The following GABRG3 variants were observed in gnomAD, a reference collection of about 807,000 sequenced individuals.
The protein encoded by GABRG3 is gamma-aminobutyric acid receptor subunit gamma-3.
Under a neutral mutation model 48.8 loss-of-function variants are expected in GABRG3, and 25 were observed. The observed-to-expected ratio is 0.51, with a 90% CI of 0.37 to 0.72. The LOEUF is 0.72. GABRG3 is among the 30% of genes least tolerant of loss of function. The probability of loss-of-function intolerance (pLI) is 0.00; values close to 1 mark genes in which losing one functional copy is unlikely to be tolerated. For synonymous variants in GABRG3, 227 were observed against 217.6 expected (o/e 1.04, Z -0.38); for missense variants, 394 against 577.9 (o/e 0.68, Z 3.26).
In GABRG3 at chr15:27,180,355, A is replaced by G. The variant is rs1451533733; in HGVS notation, c.271-146454A>G. ...AAAATGAGATTGAACAAGAAGAGCA[A>G]CTGTAGAATTCTTCAGGTTATGACT... is the stretch of plus-strand genomic sequence containing the variant. On this transcript the variant is annotated intron_variant, in intron 3 of 9. Coordinates refer to ENST00000615808, the MANE Select transcript of GABRG3 (RefSeq NM_033223.5). This position sits in a 1 kb window ranked among gnomAD's most constrained non-coding sequence, Gnocchi z 4.2. 6.6e-6 allele frequency among the ~76,000 whole-genome samples: 1 copy of G among 152,182 alleles called. No homozygotes were observed. Among genetic ancestry groups the G allele is most frequent in the South Asian group, 2.1e-4 (1 of 4,832 alleles).
At chr15:27,424,305 T>C (rs2140615648) in intron 5 of GABRG3, among the ~76,000 whole-genome samples, 1 of 152,150 alleles carries the variant, frequency 6.6e-6, no homozygotes, top group East Asian at 1.9e-4. Flanking sequence ...GGGTAATTTA[T>C]AAATAACAGA....
At chr15:27,313,346 A>G (rs1290275264) in intron 3 of GABRG3, among the ~76,000 whole-genome samples, 1 of 138,526 alleles carries the variant, frequency 7.2e-6, no homozygotes, top group Non-Finnish European at 1.6e-5. Context: ...TGAAGCAAAC[A>G]TTGATGGAAC....
At chr15:27,157,654 C>T (rs1898468011) in intron 3 of GABRG3, 1 of 152,178 alleles carries the variant, frequency 6.6e-6, no homozygotes, top group South Asian at 2.1e-4. Flanking sequence ...TCAGTCTAAC[C>T]TCCTTACCTA....
rs142127659 is a variant in GABRG3 at position 27,396,337 on chromosome 15, G to T, written c.574+67449G>T. On this transcript the variant is annotated intron_variant, in intron 5 of 9. Transcript: ENST00000615808. The stretch of plus-strand genomic sequence containing the variant: ...AAAACAAGCAACCCAATAAAAAAAT[G>T]GTAAAAGAGTTAAACAGATACTTTC... 2.6e-5 allele frequency among the ~76,000 whole-genome samples: 4 copies of T among 152,208 alleles called. 1 individual carries two copies. Among genetic ancestry groups the T allele is most frequent in the African/African-American group, 9.6e-5 (4 of 41,514 alleles).
At chr15:27,378,875 A>T (rs529187026) in intron 5 of GABRG3, among the ~76,000 whole-genome samples, 42 of 152,198 alleles carry the variant, frequency 2.8e-4, no homozygotes, top group Non-Finnish European at 5.9e-4. Context: ...ATGGGATTAA[A>T]AGAAAGGGAA....
chr15:27,311,370 G>T (rs1208618271), intron 3 of GABRG3, among the ~76,000 whole-genome samples: 1 of 152,144 alleles, frequency 6.6e-6, no homozygotes, highest in African/African-American at 2.4e-5. Context: ...GAGGGAAAAA[G>T]ATGGACTATG....
chr15:27,304,837 T>G (rs771483243), intron 3 of GABRG3, among the ~76,000 whole-genome samples: 5 of 152,006 alleles, frequency 3.3e-5, no homozygotes, highest in Non-Finnish European at 7.4e-5. Flanking sequence ...GGGACTATTA[T>G]TCTGTCTACC....
intron 3 of GABRG3, among the ~76,000 whole-genome samples, chr15:27,061,311 C>T (rs974679604): frequency 1.3e-5 from 2 of 152,142 alleles, no homozygotes; most frequent in South Asian, 2.1e-4. Context: ...CAGTGGCTAA[C>T]GGTGTGAGAA....
At position 27,185,540 on chromosome 15, in the gene GABRG3, T is replaced by C. The variant is rs553723010; in HGVS notation, c.271-141269T>C. Among the ~76,000 whole-genome samples the C allele has an allele frequency of 2.0e-5, 3 of 152,186 alleles. No individual in the cohort carries two copies. The South Asian group carries it at 6.2e-4, about 32-fold the overall frequency. ...TATTGGGTAGAGTTTTCGGTATATGTCAATTAGGTTCCATTGGTGGATTGA... is the reference window on the plus strand; with the variant it reads ...TATTGGGTAGAGTTTTCGGTATATGCCAATTAGGTTCCATTGGTGGATTGA... On this transcript the variant is annotated intron_variant, in intron 3 of 9. Coordinates refer to ENST00000615808, the MANE Select transcript of GABRG3 (RefSeq NM_033223.5).
intron 3 of GABRG3, among the ~76,000 whole-genome samples, chr15:27,152,086 C>T (rs1436901480): frequency 6.6e-6 from 1 of 152,080 alleles, no homozygotes; most frequent in African/African-American, 2.4e-5. Flanking sequence ...GTCTAAATTG[C>T]AAATATTTTC....
intron 2 of GABRG3, among the ~76,000 whole-genome samples, chr15:26,994,430 T>C (rs1259536103): frequency 6.6e-6 from 1 of 151,942 alleles, no homozygotes; most frequent in Non-Finnish European, 1.5e-5. Flanking sequence ...AAACTGATGA[T>C]AACTCACCAC....
intron 3 of GABRG3, among the ~76,000 whole-genome samples, chr15:27,313,545 G>C (rs1595670294): frequency 6.6e-6 from 1 of 151,354 alleles, no homozygotes; most frequent in South Asian, 2.1e-4. Context: ...TTCTTCTCAA[G>C]TGCACTTAAA....
intron 5 of GABRG3, chr15:27,350,493 G>A (rs1209714826): frequency 3.8e-6 from 1 of 263,082 alleles, no homozygotes; most frequent in Non-Finnish European, 7.6e-6. Flanking sequence ...TGTCCTCAGG[G>A]AGTTCGCAGT....
At chr15:27,072,832 A>T (rs1896850487) in intron 3 of GABRG3, among the ~76,000 whole-genome samples, 1 of 152,210 alleles carries the variant, frequency 6.6e-6, no homozygotes, top group Non-Finnish European at 1.5e-5. Flanking sequence ...AAGACAGCCC[A>T]GAAAGTTAAT....
chr15:27,367,224 G>C (rs1280659384), intron 5 of GABRG3, among the ~76,000 whole-genome samples: 1 of 152,112 alleles, frequency 6.6e-6, no homozygotes, highest in Non-Finnish European at 1.5e-5. Flanking sequence ...CACTCTTCCT[G>C]TCTCGTGAGA....
intron 5 of GABRG3, among the ~76,000 whole-genome samples, chr15:27,412,766 A>G (rs890329543): frequency 2.0e-5 from 3 of 152,234 alleles, no homozygotes; most frequent in Non-Finnish European, 4.4e-5. Flanking sequence ...ACAGTTCAGT[A>G]AAGGACTAGG....
chr15:27,483,608 C>T (rs1177015426), intron 6 of GABRG3, among the ~76,000 whole-genome samples: 11 of 152,176 alleles, frequency 7.2e-5, no homozygotes, highest in Admixed American at 7.2e-4. Flanking sequence ...TTGTCCCAGA[C>T]ACATCCTTTT....
At chr15:27,263,594 T>A (rs965163911) in intron 3 of GABRG3, among the ~76,000 whole-genome samples, 1 of 152,106 alleles carries the variant, frequency 6.6e-6, no homozygotes, top group Non-Finnish European at 1.5e-5. Context: ...TGTGGGAAAA[T>A]TTTTAAACTT....
At chr15:26,998,671 T>C (rs2140654004) in intron 2 of GABRG3, among the ~76,000 whole-genome samples, 1 of 152,310 alleles carries the variant, frequency 6.6e-6, no homozygotes, top group Middle Eastern at 3.4e-3. Context: ...TGAGAAACAC[T>C]GGTGACCATC....
Sources: allele counts gnomAD v4.1 joint callset (sites outside exome capture counted in the v4.1 genomes callset), GRCh38; gene constraint gnomAD v4.1.1; non-coding constraint Gnocchi (gnomAD v3.1); transcripts MANE v1.5; gene names NCBI Gene and HGNC (gene_info 2026-07-23, HGNC 2026-07-21).